Variants in WDFY2 observed in about 807,000 individuals in gnomAD.
WDFY2 encodes the protein WD repeat and FYVE domain-containing protein 2.
A neutral mutation model predicts 56.4 loss-of-function variants in WDFY2; 36 were observed. That is an observed-to-expected ratio of 0.64 (90% CI 0.49 to 0.84). The LOEUF is 0.84. Among genes scored for constraint, WDFY2 ranks in the 40% least tolerant of loss-of-function variants. The pLI, the probability that WDFY2 is intolerant of heterozygous loss-of-function variation, is 0.00. For synonymous variants in WDFY2, 176 were observed against 183.7 expected (o/e 0.96, Z 0.34); for missense variants, 444 against 512.2 (o/e 0.87, Z 1.29).
chr13:51,640,531 C>T (rs1955135226), intron 1 of WDFY2, among the ~76,000 whole-genome samples: 1 of 152,088 alleles, frequency 6.6e-6, no homozygotes, highest in East Asian at 1.9e-4. Flanking sequence ...TTCCACATAC[C>T]CTAGTGCCTC....
intron 4 of WDFY2, among the ~76,000 whole-genome samples, chr13:51,710,078 G>A (rs1479305726): frequency 6.6e-6 from 1 of 152,094 alleles, no homozygotes; most frequent in African/African-American, 2.4e-5. Flanking sequence ...ATATCAAAAA[G>A]CTTATCCACC....
chr13:51,666,108 T>C (rs1464012370), intron 2 of WDFY2, among the ~76,000 whole-genome samples: 2 of 152,206 alleles, frequency 1.3e-5, no homozygotes, highest in African/African-American at 2.4e-5. Flanking sequence ...AACGTGATTT[T>C]GAACTGCTTA....
chr13:51,727,691 A>G lies in WDFY2; in HGVS notation c.499A>G (p.Thr167Ala). ...CTTTCATGACAGATTTGATGTTGAA[A>G]CCCGGCATGTGTTTATCGGTGACCA... Reference protein sequence around the residue: ...VASGLQFDVETRHVFIGDHSG... With the variant: ...VASGLQFDVEARHVFIGDHSG... Residue 167 changes from threonine to alanine, a missense_variant, in exon 6 of 12, where the codon ACC becomes GCC. By Grantham distance (58) the Thr-to-Ala change is moderately conservative. Transcript: ENST00000298125. 6.2e-7 allele frequency: 1 copy of G among 1,613,232 alleles called. No individual in the cohort carries two copies. Among genetic ancestry groups the G allele is most frequent in the Non-Finnish European group, 8.5e-7 (1 of 1,179,808 alleles).
intron 1 of WDFY2, among the ~76,000 whole-genome samples, chr13:51,602,918 T>C (rs1954314074): frequency 6.6e-6 from 1 of 152,318 alleles, no homozygotes; most frequent in Non-Finnish European, 1.5e-5. Context: ...TTTGTAACTC[T>C]TCCCCCTACT....
intron 1 of WDFY2, chr13:51,588,078 A>T (rs2138279645): frequency 6.6e-6 from 1 of 152,258 alleles, no homozygotes; most frequent in African/African-American, 2.4e-5. Flanking sequence ...GGAACTCCCC[A>T]CCCTTGTCTG....
chr13:51,642,610 A>T (rs184547087), intron 1 of WDFY2, among the ~76,000 whole-genome samples: 2 of 151,182 alleles, frequency 1.3e-5, no homozygotes, highest in African/African-American at 4.9e-5. Context: ...TTTTATTTTA[A>T]TGATAACATT....
intron 7 of WDFY2, among the ~76,000 whole-genome samples, chr13:51,740,984 A>C (rs1254046199): frequency 6.6e-6 from 1 of 152,268 alleles, no homozygotes; most frequent in Non-Finnish European, 1.5e-5. Context: ...CACTGTGTGC[A>C]AAGGGCCCTT....
chr13:51,604,681 T>C (rs1954352376), intron 1 of WDFY2, among the ~76,000 whole-genome samples: 1 of 152,212 alleles, frequency 6.6e-6, no homozygotes, highest in African/African-American at 2.4e-5. Context: ...TTTTAGGTGC[T>C]CAGAAACCAC....
At chr13:51,720,194 G>A (rs1952455690) in intron 5 of WDFY2, among the ~76,000 whole-genome samples, 1 of 152,172 alleles carries the variant, frequency 6.6e-6, no homozygotes, top group Non-Finnish European at 1.5e-5. Flanking sequence ...TTTATAAAAT[G>A]CCTATTCAGT....
chr13:51,657,275 C>T (rs1415971607), intron 1 of WDFY2, among the ~76,000 whole-genome samples: 4 of 152,050 alleles, frequency 2.6e-5, no homozygotes, highest in Non-Finnish European at 4.4e-5. Flanking sequence ...ATGCATATGT[C>T]TGTTAATCCA....
chr13:51,631,412 TA>T (rs1349501297), intron 1 of WDFY2, among the ~76,000 whole-genome samples: 2 of 151,518 alleles, frequency 1.3e-5, no homozygotes, highest in East Asian at 3.9e-4. Flanking sequence ...AAAAAAAATT[TA>T]AAAAGAAGGA....
At chr13:51,635,402 G>C (rs759049991) in intron 1 of WDFY2, among the ~76,000 whole-genome samples, 1 of 152,220 alleles carries the variant, frequency 6.6e-6, no homozygotes, top group Non-Finnish European at 1.5e-5. Flanking sequence ...GCATAAATTA[G>C]ACGTGATCAA....
intron 1 of WDFY2, chr13:51,591,521 A>ATGGT (rs1954043110): frequency 6.6e-6 from 1 of 152,226 alleles, no homozygotes; most frequent in Non-Finnish European, 1.5e-5. Flanking sequence ...AGTAAAAAAT[A>ATGGT]TAGTTAGCAT....
In WDFY2 at chr13:51,767,527, G is replaced by A. The variant is rs1403708012; in HGVS notation, c.*7758G>A. The A allele has an allele frequency of 6.6e-6, 1 of 152,396 alleles. No homozygotes were observed. The allele number at this position is 152,396 out of a possible 1,614,324, so 9.4% of individuals were successfully genotyped here. On this transcript the variant is annotated 3_prime_UTR_variant, in exon 12 of 12. Coordinates refer to ENST00000298125, the MANE Select transcript of WDFY2 (RefSeq NM_052950.4). The stretch of plus-strand genomic sequence containing the variant: ...ACCATGGACACCAAGAATGTATGTA[G>A]ATGTATTCTAAATCTGCTCATTGGT...
At chr13:51,643,692 T>C (rs1418030414) in intron 1 of WDFY2, among the ~76,000 whole-genome samples, 1 of 152,122 alleles carries the variant, frequency 6.6e-6, no homozygotes. Context: ...CCAGCCTCCA[T>C]GATCTTCTGG....
At chr13:51,714,423 C>G (rs1236475594) in intron 4 of WDFY2, among the ~76,000 whole-genome samples, 4 of 152,126 alleles carry the variant, frequency 2.6e-5, no homozygotes, top group African/African-American at 9.7e-5. Context: ...TCCCAAGTAG[C>G]TGGAATTACA....
At chr13:51,638,865 C>T (rs1190021498) in intron 1 of WDFY2, among the ~76,000 whole-genome samples, 1 of 152,196 alleles carries the variant, frequency 6.6e-6, no homozygotes, top group Admixed American at 6.5e-5. Flanking sequence ...TCAGCCTTAG[C>T]TCAAGCTCAA....
At chr13:51,729,660 T>C (rs1360865598) in intron 6 of WDFY2, among the ~76,000 whole-genome samples, 1 of 152,178 alleles carries the variant, frequency 6.6e-6, no homozygotes, top group East Asian at 1.9e-4. Flanking sequence ...TGGATTGCCT[T>C]GATCTCTCTT....
At chr13:51,693,312 G>T (rs1484804506) in intron 3 of WDFY2, among the ~76,000 whole-genome samples, 2 of 151,630 alleles carry the variant, frequency 1.3e-5, no homozygotes, top group South Asian at 4.2e-4. Flanking sequence ...TTTCTCTTGT[G>T]GGCATTTAGT....
Sources: gnomAD v4.1 joint callset for allele counts (sites outside exome capture counted in the v4.1 genomes callset) on GRCh38, gnomAD v4.1.1 for gene constraint, MANE v1.5 for transcripts, NCBI Gene and HGNC (gene_info 2026-07-23, HGNC 2026-07-21) for gene names.